STRBP: variants seen among roughly 807,000 people sequenced by gnomAD.
STRBP encodes spermatid perinuclear RNA-binding protein.
Under a neutral mutation model 80.1 loss-of-function variants are expected in STRBP, and 13 were observed. That is an observed-to-expected ratio of 0.16 (90% CI 0.11 to 0.26). The LOEUF (loss-of-function observed/expected upper bound fraction) is 0.26, where lower values mean the gene tolerates loss of function less well. Among genes scored for constraint, STRBP ranks in the 10% least tolerant of loss-of-function variants. STRBP has a pLI of 1.00. For missense variants in STRBP, 485 were observed against 815.2 expected (o/e 0.59, Z 4.93); for synonymous variants, 284 against 291.2 (o/e 0.98, Z 0.25).
intron 2 of STRBP, among the ~76,000 whole-genome samples, chr9:123,184,632 T>C (rs768505540): frequency 6.6e-6 from 1 of 152,254 alleles, no homozygotes; most frequent in Non-Finnish European, 1.5e-5. Flanking sequence ...CAGTTAACCA[T>C]TAGATTTTCA....
chr9:123,179,442 G>A (rs1358103764), intron 3 of STRBP, among the ~76,000 whole-genome samples: 1 of 152,064 alleles, frequency 6.6e-6, no homozygotes. Context: ...TTCATGTTTT[G>A]GTAAGGTTCA....
In STRBP at chr9:123,259,062, CAAA is replaced by C. The variant is rs34065858; in HGVS notation, c.-302+9371_-302+9373del. ...AGAATAGACTATAAGGAGGAAAGGG[CAAA>C]AAAAAAAAAAGGGGGGGGGATTACT... On this transcript the variant is annotated intron_variant, in intron 1 of 18. Transcript: ENST00000348403. 7.5e-5 allele frequency among the ~76,000 whole-genome samples: 5 copies of C among 67,084 alleles called. No homozygotes were observed. The East Asian group carries it at 1.8e-3, about 24-fold the overall frequency. 44.0% of individuals were successfully genotyped at this position (67,084 alleles called of 152,430 possible).
intron 3 of STRBP, 93 bp downstream of exon 3, chr9:123,184,039 C>T (rs1209083577): frequency 7.7e-7 from 1 of 1,294,226 alleles, no homozygotes; most frequent in Admixed American, 2.0e-5. Context: ...ATTAACACCA[C>T]TGTTTTTCAT....
At chr9:123,224,498 C>T (rs1465096381) in intron 2 of STRBP, among the ~76,000 whole-genome samples, 1 of 152,184 alleles carries the variant, frequency 6.6e-6, no homozygotes, top group Non-Finnish European at 1.5e-5. Context: ...CAAGATAATT[C>T]CCACCCACAG....
intron 14 of STRBP, among the ~76,000 whole-genome samples, chr9:123,137,554 C>G (rs1040247975): frequency 3.3e-5 from 5 of 152,018 alleles, no homozygotes; most frequent in Non-Finnish European, 5.9e-5. Context: ...ATTGCAGGCA[C>G]CTGCCACCAC....
chr9:123,123,102 C>T lies in STRBP; in HGVS notation c.*2495G>A. 1.0e-6 allele frequency: 1 copy of T among 985,414 alleles called. No individual in the cohort carries two copies. 61.0% of individuals were successfully genotyped at this position (985,414 alleles called of 1,614,324 possible). On this transcript the variant is annotated 3_prime_UTR_variant, in exon 19 of 19. Transcript: ENST00000348403. ...AGACATAGAAATTGCCATTTCAAGC[C>T]AGACAACCTGATGGTTCTAGAAGTC...
At chr9:123,183,599 A>AT (rs2038580299) in intron 3 of STRBP, among the ~76,000 whole-genome samples, 2 of 152,082 alleles carry the variant, frequency 1.3e-5, no homozygotes, top group South Asian at 4.1e-4. Flanking sequence ...CACAAATTCA[A>AT]TTTAAGTCTG....
At chr9:123,172,567 G>A (rs1052778306) in intron 5 of STRBP, among the ~76,000 whole-genome samples, 1 of 152,046 alleles carries the variant, frequency 6.6e-6, no homozygotes, top group African/African-American at 2.4e-5. Flanking sequence ...AATTGAAAGT[G>A]GAAAAGCCAA....
intron 1 of STRBP, among the ~76,000 whole-genome samples, chr9:123,263,863 T>G (rs2041211065): frequency 6.6e-6 from 1 of 152,160 alleles, no homozygotes; most frequent in African/African-American, 2.4e-5. Flanking sequence ...GGAAAATGTA[T>G]TATGTTTATT....
intron 17 of STRBP, among the ~76,000 whole-genome samples, chr9:123,129,385 T>C (rs1278737841): frequency 6.6e-6 from 1 of 152,146 alleles, no homozygotes; most frequent in Non-Finnish European, 1.5e-5. Context: ...AACAACTTAT[T>C]CATTTATAAA....
At chr9:123,159,060 G>C (rs759022968) in intron 9 of STRBP, 36 bp downstream of exon 9, 1 of 1,504,498 alleles carries the variant, frequency 6.6e-7, no homozygotes, top group Non-Finnish European at 9.2e-7. Flanking sequence ...ACTGAGATTT[G>C]CTGATTGTTC....
chr9:123,118,974 C>T (rs146636187), downstream of STRBP, among the ~76,000 whole-genome samples: 1 of 152,132 alleles, frequency 6.6e-6, no homozygotes, highest in Non-Finnish European at 1.5e-5. Flanking sequence ...CCAACTGTGT[C>T]CAGACAGTAA....
At chr9:123,228,897 G>A (rs2040319117) in intron 2 of STRBP, among the ~76,000 whole-genome samples, 1 of 152,112 alleles carries the variant, frequency 6.6e-6, no homozygotes, top group South Asian at 2.1e-4. Flanking sequence ...AAATGTTCAC[G>A]GCGGCATTTT....
At chr9:123,254,429 C>G (rs868567629) in intron 1 of STRBP, among the ~76,000 whole-genome samples, 38 of 148,624 alleles carry the variant, frequency 2.6e-4, no homozygotes, top group Middle Eastern at 3.4e-3. Context: ...CCACTGCACT[C>G]CAGCCTGATC....
intron 1 of STRBP, among the ~76,000 whole-genome samples, chr9:123,264,908 G>A (rs16936731): frequency 0.032 from 4,846 of 152,100 alleles, 255 homozygotes; most frequent in African/African-American, 0.11. Context: ...AATATAAGGA[G>A]GAAACAATGG....
downstream of STRBP, among the ~76,000 whole-genome samples, chr9:123,118,041 C>T (rs763222005): frequency 3.9e-5 from 6 of 152,204 alleles, no homozygotes; most frequent in Non-Finnish European, 5.9e-5. Flanking sequence ...GCCTAGCTAC[C>T]AGCAGAGCCC....
In STRBP at chr9:123,125,301, G is replaced by A. The variant is rs758568092; in HGVS notation, c.*296C>T. 57 of 1,070,734 alleles carry A rather than the reference G, an allele frequency of 5.3e-5. No individual in the cohort carries two copies. The highest frequency in any genetic ancestry group is 5.9e-5 in the Non-Finnish European group (52 of 885,472). The allele number at this position is 1,070,734 out of a possible 1,614,324, so 66.3% of individuals were successfully genotyped here. A position where few individuals can be genotyped will look rare whatever the true frequency, so the allele number is the denominator to read the frequency against. ...AATTTAATTTTACATAATCTGATAC[G>A]TCTCTTAAAACTTAAACTTTGAACT... On this transcript the variant is annotated 3_prime_UTR_variant, in exon 19 of 19. Coordinates refer to ENST00000348403, the MANE Select transcript of STRBP (RefSeq NM_018387.5).
At chr9:123,118,627 T>A (rs1056342496), downstream of STRBP, among the ~76,000 whole-genome samples, 3 of 152,260 alleles carry the variant, frequency 2.0e-5, no homozygotes, top group African/African-American at 4.8e-5. Context: ...TACTAACTTT[T>A]GCAGGACATT....
At chr9:123,169,826 A>G in intron 6 of STRBP, 76 bp downstream of exon 6, 3 of 892,522 alleles carry the variant, frequency 3.4e-6, no homozygotes, top group Non-Finnish European at 4.4e-6. Context: ...AAACATTGTT[A>G]ACATAGCTTT....
Sources: allele counts gnomAD v4.1 joint callset (sites outside exome capture counted in the v4.1 genomes callset), GRCh38; gene constraint gnomAD v4.1.1; transcripts MANE v1.5; gene names NCBI Gene and HGNC (gene_info 2026-07-23, HGNC 2026-07-21).